The following CYSTM1 variants were observed in gnomAD, a reference collection of about 807,000 sequenced individuals.
CYSTM1 encodes the protein cysteine rich transmembrane module containing 1.
A neutral mutation model predicts 13.1 loss-of-function variants in CYSTM1; 4 were observed. The observed-to-expected ratio is 0.31, with a 90% CI of 0.15 to 0.70. The LOEUF (loss-of-function observed/expected upper bound fraction) is 0.70. CYSTM1 is among the 30% of genes least tolerant of loss of function. CYSTM1 has a pLI of 0.72. For missense variants in CYSTM1, 96 were observed against 121.6 expected, an observed-to-expected ratio of 0.79 and a Z score of 0.99; for synonymous variants, 36 against 42.7, an observed-to-expected ratio of 0.84 and a Z score of 0.62.
chr5:140,191,019 A>G (rs1764087697), intron 1 of CYSTM1, among the ~76,000 whole-genome samples: 1 of 152,204 alleles, frequency 6.6e-6, no homozygotes, highest in Non-Finnish European at 1.5e-5. Flanking sequence ...TTTGTACTAT[A>G]CTGTGTCAGT....
intron 1 of CYSTM1, among the ~76,000 whole-genome samples, chr5:140,184,277 T>C (rs1340005322): frequency 6.6e-6 from 1 of 152,186 alleles, no homozygotes; most frequent in African/African-American, 2.4e-5. Context: ...CTTATTCTTC[T>C]GAAGCGTCAT....
rs568307636 is a variant in CYSTM1, at chr5:140,184,556, A to G, written c.-21+9271A>G. Among the ~76,000 whole-genome samples the G allele has an allele frequency of 3.3e-5, 5 of 152,322 alleles. No homozygotes were observed. The South Asian group carries it at 1.0e-3, about 32-fold the overall frequency. On this transcript the variant is annotated intron_variant, in intron 1 of 2. Coordinates refer to ENST00000261811, the MANE Select transcript of CYSTM1 (RefSeq NM_032412.4). ...TATAAGAAAAAAGGATAGACCCGCT[A>G]TAAAAAGAAAGGCTGTCTGCTCTAA...
intron 2 of CYSTM1, among the ~76,000 whole-genome samples, chr5:140,204,970 G>A (rs766939879): frequency 6.6e-6 from 1 of 152,080 alleles, no homozygotes; most frequent in Admixed American, 6.6e-5. Context: ...TTCTTCTGGG[G>A]TAGGACTGTG....
chr5:140,216,905 A>AC (rs1764434940), intron 2 of CYSTM1, among the ~76,000 whole-genome samples: 2 of 148,262 alleles, frequency 1.3e-5, no homozygotes, highest in African/African-American at 5.0e-5. Context: ...CACACACACA[A>AC]AGAGCATACG....
intron 1 of CYSTM1, among the ~76,000 whole-genome samples, chr5:140,183,664 G>A (rs968052058): frequency 6.6e-6 from 1 of 152,226 alleles, no homozygotes; most frequent in African/African-American, 2.4e-5. Flanking sequence ...ATTATAATCA[G>A]GGTTTGCTGA....
chr5:140,219,967 T>TC lies in CYSTM1; in HGVS notation c.188-23338_188-23337insC. On this transcript the variant is annotated intron_variant, in intron 2 of 2. Transcript: ENST00000261811. The surrounding 1 kb of genome is among the most constrained non-coding windows in gnomAD (Gnocchi z 4.1). ...AGCTCCACTCAAAGTAACTTCTCTC[T>TC]TTTTTTTTTCTGTAACCCAGTGCCT... Among the ~76,000 whole-genome samples, 1 of 149,662 alleles carries TC rather than the reference T, an allele frequency of 6.7e-6. No individual in the cohort carries two copies. The highest frequency in any genetic ancestry group is 2.1e-4 in the South Asian group (1 of 4,742).
At chr5:140,227,441 C>G (rs1344206957) in intron 2 of CYSTM1, among the ~76,000 whole-genome samples, 1 of 152,056 alleles carries the variant, frequency 6.6e-6, no homozygotes, top group Non-Finnish European at 1.5e-5. Context: ...CAGGTTTGCC[C>G]AGCAGAAGTC....
At chr5:140,193,540 G>C (rs1764117257) in intron 1 of CYSTM1, among the ~76,000 whole-genome samples, 1 of 152,210 alleles carries the variant, frequency 6.6e-6, no homozygotes. Flanking sequence ...GCCTCCCAAA[G>C]TGCTGGGATT....
intron 1 of CYSTM1, among the ~76,000 whole-genome samples, chr5:140,192,343 A>G (rs1057119979): frequency 2.0e-5 from 3 of 152,210 alleles, no homozygotes; most frequent in African/African-American, 7.2e-5. Context: ...TACTTAGCCC[A>G]GTGTCAAGAA....
chr5:140,190,284 A>T (rs1237357871), intron 1 of CYSTM1, among the ~76,000 whole-genome samples: 2 of 151,690 alleles, frequency 1.3e-5, no homozygotes, highest in East Asian at 1.9e-4. Context: ...CTTTCCTTGG[A>T]TATTTAGGTT....
intron 2 of CYSTM1, among the ~76,000 whole-genome samples, chr5:140,221,553 T>A (rs1425989192): frequency 1.3e-5 from 2 of 152,250 alleles, no homozygotes; most frequent in African/African-American, 4.8e-5. Context: ...CAGGATTTCC[T>A]TCCTTTTTTA....
Position 140,239,241 on chromosome 5 carries a change from G to C in CYSTM1, c.188-4064G>C, listed in dbSNP as rs1764719448. On this transcript the variant is annotated intron_variant, in intron 2 of 2. Transcript: ENST00000261811. This position sits in a 1 kb window ranked among gnomAD's most constrained non-coding sequence, Gnocchi z 5.4. ...TGCCAGAATGGGGCTGAGAATTGGA[G>C]CCTTCACCTGAGAAGGCCTATACTC... is the stretch of plus-strand genomic sequence containing the variant. Among the ~76,000 whole-genome samples the C allele has an allele frequency of 6.6e-6, 1 of 152,094 alleles. No individual in the cohort carries two copies. Among genetic ancestry groups the C allele is most frequent in the South Asian group, 2.1e-4 (1 of 4,818 alleles).
intron 2 of CYSTM1, among the ~76,000 whole-genome samples, chr5:140,223,501 T>C (rs1711681933): frequency 6.6e-6 from 1 of 152,250 alleles, no homozygotes; most frequent in Non-Finnish European, 1.5e-5. Flanking sequence ...CAGCTGGGTC[T>C]GAGCTGGGAT....
At chr5:140,209,062 G>T (rs1376233598) in intron 2 of CYSTM1, among the ~76,000 whole-genome samples, 1 of 151,482 alleles carries the variant, frequency 6.6e-6, no homozygotes, top group Non-Finnish European at 1.5e-5. Flanking sequence ...AAGAATTAAG[G>T]TCTTCTCTAC....
At chr5:140,224,585 A>T (rs1764527491) in intron 2 of CYSTM1, among the ~76,000 whole-genome samples, 1 of 151,912 alleles carries the variant, frequency 6.6e-6, no homozygotes, top group African/African-American at 2.4e-5. Flanking sequence ...TGGTGGTGTG[A>T]TCATGACTCA....
chr5:140,194,841 T>G (rs1764136652), intron 2 of CYSTM1, among the ~76,000 whole-genome samples, 189 bp downstream of exon 2: 1 of 152,226 alleles, frequency 6.6e-6, no homozygotes, highest in Non-Finnish European at 1.5e-5. Flanking sequence ...GCCTGCTACA[T>G]TCACACCTCT....
intron 2 of CYSTM1, among the ~76,000 whole-genome samples, chr5:140,208,911 C>T (rs1215855476): frequency 4.6e-5 from 7 of 151,588 alleles, no homozygotes; most frequent in Non-Finnish European, 5.9e-5. Flanking sequence ...TGGTGGCAGG[C>T]GCCTGTAGTC....
In CYSTM1 at chr5:140,204,165, G is replaced by A. The variant is rs143069216; in HGVS notation, c.187+9513G>A. ...GAGCATCGCTTGAGGCCAGGAGTTC[G>A]ACACCAGCCTAGGCACCGTACTAAG... On this transcript the variant is annotated intron_variant, in intron 2 of 2. Coordinates refer to ENST00000261811, the MANE Select transcript of CYSTM1 (RefSeq NM_032412.4). Among the ~76,000 whole-genome samples, 9 of 152,092 alleles carry A rather than the reference G, an allele frequency of 5.9e-5. No individual in the cohort carries two copies. The East Asian group carries it at 1.7e-3, about 29-fold the overall frequency.
chr5:140,231,397 A>G (rs974838440), intron 2 of CYSTM1, among the ~76,000 whole-genome samples: 4 of 152,222 alleles, frequency 2.6e-5, no homozygotes, highest in Non-Finnish European at 4.4e-5. Flanking sequence ...TGCATGCTCC[A>G]GGGAAACCAC....
Sources: gnomAD v4.1 joint callset for allele counts (sites outside exome capture counted in the v4.1 genomes callset) on GRCh38, gnomAD v4.1.1 for gene constraint, Gnocchi (gnomAD v3.1) non-coding constraint, MANE v1.5 for transcripts, NCBI Gene and HGNC (gene_info 2026-07-23, HGNC 2026-07-21) for gene names.